Variants in WASF3 observed in about 807,000 individuals in gnomAD.
WASF3 encodes actin-binding protein WASF3.
WASF3 carries 11 observed loss-of-function variants against 46.6 expected under a neutral mutation model. The observed-to-expected ratio is 0.24, with a 90% CI of 0.15 to 0.39. The LOEUF (loss-of-function observed/expected upper bound fraction) is 0.39, where lower values mean the gene tolerates loss of function less well. Ranked by LOEUF, WASF3 falls within the 10% of genes least tolerant of loss-of-function variation. The probability of loss-of-function intolerance (pLI) is 1.00; values close to 1 mark genes in which losing one functional copy is unlikely to be tolerated. For missense variants in WASF3, 576 were observed against 669.8 expected (o/e 0.86, Z 1.55); for synonymous variants, 242 against 259.7 (o/e 0.93, Z 0.65).
At chr13:26,618,995 A>G (rs1747851222) in intron 2 of WASF3, 2 of 151,990 alleles carry the variant, frequency 1.3e-5, no homozygotes, top group African/African-American at 4.8e-5. Context: ...GTTATCTATC[A>G]TTTGTAGTCC....
At chr13:26,604,145 T>A (rs974699373) in intron 1 of WASF3, among the ~76,000 whole-genome samples, 8 of 152,206 alleles carry the variant, frequency 5.3e-5, no homozygotes, top group African/African-American at 1.9e-4. Context: ...CTGTGTGATT[T>A]TTTTTGGATG....
chr13:26,588,869 C>T (rs1009040134), intron 1 of WASF3, among the ~76,000 whole-genome samples: 1 of 152,200 alleles, frequency 6.6e-6, no homozygotes, highest in African/African-American at 2.4e-5. Flanking sequence ...ATGATTATGG[C>T]TCACTGCAGC....
At chr13:26,572,547 G>A (rs1434418212) in intron 1 of WASF3, among the ~76,000 whole-genome samples, 5 of 152,054 alleles carry the variant, frequency 3.3e-5, no homozygotes, top group Admixed American at 1.3e-4. Context: ...TTCCTAATCG[G>A]AATCATTATT....
Position 26,671,935 on chromosome 13 carries a change from A to G in WASF3, c.486A>G (p.Lys162=). Residue 162 remains lysine, a synonymous_variant, in exon 6 of 10, where the codon AAA becomes AAG. Transcript: ENST00000335327. The part of the protein sequence containing the change: ...TDPSYFFDLW[K]EKMLQDTEDK... ...CTTCCTATTTCTTTGACCTCTGGAA[A>G]GAAAAAATGCTACAGGACACAGAAG... 2 of 1,611,266 alleles carry G rather than the reference A, an allele frequency of 1.2e-6. No individual in the cohort carries two copies. The highest frequency in any genetic ancestry group is 1.7e-6 in the Non-Finnish European group (2 of 1,179,310).
chr13:26,650,225 C>G (rs1318977196), intron 3 of WASF3, among the ~76,000 whole-genome samples: 1 of 152,136 alleles, frequency 6.6e-6, no homozygotes, highest in South Asian at 2.1e-4. Flanking sequence ...TCCTGCCTAA[C>G]CTGAGGGGAA....
intron 2 of WASF3, among the ~76,000 whole-genome samples, chr13:26,636,240 G>A (rs1881816367): frequency 6.6e-6 from 1 of 152,234 alleles, no homozygotes; most frequent in African/African-American, 2.4e-5. Context: ...CCCCCTGTCA[G>A]GCTGCTTCCT....
Position 26,676,649 on chromosome 13 carries a change from T to G in WASF3, c.641T>G (p.Leu214Arg). The G allele has an allele frequency of 6.2e-7, 1 of 1,614,132 alleles. No homozygotes were observed. Among genetic ancestry groups the G allele is most frequent in the Non-Finnish European group, 8.5e-7 (1 of 1,180,032 alleles). ...EWNMMAYDKELRPDNRLSQSV... is the reference protein window; with the variant it reads ...EWNMMAYDKERRPDNRLSQSV... ...AATATGATGGCATATGACAAAGAGC[T>G]TAGACCCGACAACAGGTTGTCTCAG... Residue 214 changes from leucine (L) to arginine (R), a missense_variant, in exon 7 of 10, where the codon CTT becomes CGT. Coordinates refer to ENST00000335327, the MANE Select transcript of WASF3 (RefSeq NM_006646.6).
chr13:26,643,578 A>G (rs960525194), intron 3 of WASF3, among the ~76,000 whole-genome samples: 1 of 152,236 alleles, frequency 6.6e-6, no homozygotes, highest in Non-Finnish European at 1.5e-5. Flanking sequence ...AAAATATACA[A>G]ATTCACATAA....
intron 1 of WASF3, among the ~76,000 whole-genome samples, chr13:26,594,942 T>C (rs1880416482): frequency 6.6e-6 from 1 of 152,220 alleles, no homozygotes; most frequent in African/African-American, 2.4e-5. Flanking sequence ...CTGGGAAGTC[T>C]TTCTTTACCT....
intron 1 of WASF3, among the ~76,000 whole-genome samples, chr13:26,563,124 T>C (rs769145664): frequency 7.2e-5 from 11 of 151,740 alleles, no homozygotes; most frequent in Non-Finnish European, 1.3e-4. Flanking sequence ...TCCTTTGCTG[T>C]CCTGTTCTGA....
At chr13:26,622,789 C>T (rs1881347474) in intron 2 of WASF3, 1 of 151,920 alleles carries the variant, frequency 6.6e-6, no homozygotes, top group African/African-American at 2.4e-5. Flanking sequence ...AAAAAAAAAT[C>T]TGTTTACTGT....
chr13:26,586,646 AAG>A (rs1880135963), intron 1 of WASF3, among the ~76,000 whole-genome samples: 1 of 152,152 alleles, frequency 6.6e-6, no homozygotes, highest in Non-Finnish European at 1.5e-5. Context: ...TCTAGTTCCT[AAG>A]AGAATTGTCA....
chr13:26,655,670 TAGTA>T (rs1466288892), intron 3 of WASF3, among the ~76,000 whole-genome samples: 2 of 152,210 alleles, frequency 1.3e-5, no homozygotes, highest in African/African-American at 2.4e-5. Context: ...CAACATTAGT[TAGTA>T]AGCATTCTGC....
intron 2 of WASF3, among the ~76,000 whole-genome samples, chr13:26,616,425 C>A (rs752965852): frequency 2.0e-5 from 3 of 152,146 alleles, no homozygotes; most frequent in Non-Finnish European, 4.4e-5. Flanking sequence ...AGTGTCTGTT[C>A]AAATCTTGTG....
At chr13:26,644,031 G>A (rs1273956368) in intron 3 of WASF3, among the ~76,000 whole-genome samples, 1 of 152,226 alleles carries the variant, frequency 6.6e-6, no homozygotes, top group Non-Finnish European at 1.5e-5. Context: ...GTTTGGTTCA[G>A]TGTAATCCAC....
intron 1 of WASF3, among the ~76,000 whole-genome samples, chr13:26,578,634 A>T (rs531343783): frequency 8.9e-4 from 135 of 152,328 alleles, no homozygotes; most frequent in African/African-American, 3.1e-3. Flanking sequence ...TTAAAGGTGT[A>T]GTTCCACAGT....
At chr13:26,666,424 T>C (rs911422216) in intron 4 of WASF3, among the ~76,000 whole-genome samples, 5 of 152,242 alleles carry the variant, frequency 3.3e-5, no homozygotes, top group African/African-American at 4.8e-5. Flanking sequence ...ACCTTATTAC[T>C]TTCCTTGCCA....
At chr13:26,615,318 AT>A (rs1010728641) in intron 2 of WASF3, among the ~76,000 whole-genome samples, 1 of 150,076 alleles carries the variant, frequency 6.7e-6, no homozygotes, top group African/African-American at 2.5e-5. Context: ...TTTTGTTTTG[AT>A]TTTTTTTTGA....
intron 1 of WASF3, among the ~76,000 whole-genome samples, chr13:26,593,437 C>T (rs1880364462): frequency 6.6e-6 from 1 of 152,104 alleles, no homozygotes; most frequent in Non-Finnish European, 1.5e-5. Context: ...AGGCCATTTA[C>T]CAAGCCACCT....
Sources: allele counts gnomAD v4.1 joint callset (sites outside exome capture counted in the v4.1 genomes callset), GRCh38; gene constraint gnomAD v4.1.1; transcripts MANE v1.5; gene names NCBI Gene and HGNC (gene_info 2026-07-23, HGNC 2026-07-21).